Variants in HERC1 observed in about 807,000 individuals in gnomAD.
HERC1 encodes probable E3 ubiquitin-protein ligase HERC1.
Under a neutral mutation model 554.3 loss-of-function variants are expected in HERC1, and 160 were observed. The ratio of observed to expected loss-of-function variants is 0.29; its 90% CI spans 0.25 to 0.33. The LOEUF (loss-of-function observed/expected upper bound fraction) is 0.33, where lower values mean the gene tolerates loss of function less well. Among genes scored for constraint, HERC1 ranks in the 10% least tolerant of loss-of-function variants. HERC1 has a pLI of 1.00. For missense variants in HERC1, 4,919 were observed against 5,918.5 expected (o/e 0.83, Z 5.54); for synonymous variants, 2,175 against 2,131.7 (o/e 1.02, Z -0.56).
chr15:63,664,487 G>A lies in HERC1; in HGVS notation c.8663C>T (p.Thr2888Ile). The A allele has an allele frequency of 1.2e-6, 2 of 1,613,478 alleles. No individual in the cohort carries two copies. The highest frequency in any genetic ancestry group is 1.7e-6 in the Non-Finnish European group (2 of 1,179,526). Residue 2888 changes from threonine to isoleucine, a missense_variant, in exon 43 of 78, where the codon ACA (threonine) becomes ATA (isoleucine). By Grantham distance (89) the Thr-to-Ile change is moderately conservative. Transcript: ENST00000443617. ...RRHKFDLAAR[T>I]LLARAAGLYR... ...AAAATTACCTGCTCTTGCTAGCAGT[G>A]TGCGAGCAGCTAAGTCAAACTTGTG...
rs374038284 is a variant in HERC1 at position 63,651,220 on chromosome 15, T to C, written c.10546+33A>G. 6 of 1,603,654 alleles carry C rather than the reference T, an allele frequency of 3.7e-6. No homozygotes were observed. The African/African-American group carries it at 6.7e-5, about 18-fold the overall frequency. On this transcript the variant is annotated intron_variant, in intron 53 of 77. Transcript: ENST00000443617. ...AGAAGAAGGCTTTAAAAAACTACTTTCAGCAGTTTACTAGTGTTTACATGA... is the reference window on the plus strand; with the variant it reads ...AGAAGAAGGCTTTAAAAAACTACTTCCAGCAGTTTACTAGTGTTTACATGA...
rs1218156351 is a variant in HERC1, at chr15:63,732,992, A to C, written c.2800T>G (p.Cys934Gly). 3.1e-6 allele frequency: 5 copies of C among 1,613,884 alleles called. No homozygotes were observed. The highest frequency in any genetic ancestry group is 4.2e-6 in the Non-Finnish European group (5 of 1,179,882). Residue 934 changes from cysteine to glycine, a missense_variant, in exon 14 of 78, where the codon TGC (cysteine) becomes GGC (glycine). By Grantham distance (159) the Cys-to-Gly change is radical (BLOSUM62 -3). Coordinates refer to ENST00000443617, the MANE Select transcript of HERC1 (RefSeq NM_003922.4). ...TCAGCCAGGTGGGTATCTGGATGGC[A>C]GCTCTGAGTGCCGTAAGGTTGATCT... is the stretch of plus-strand genomic sequence containing the variant. ...LSDQPYGTQSCHPDTHLAEIL... is the reference protein window; with the variant it reads ...LSDQPYGTQSGHPDTHLAEIL...
chr15:63,729,429 T>A, intron 15 of HERC1, 61 bp from the exon 16 acceptor site: 1 of 1,594,458 alleles, frequency 6.3e-7, no homozygotes, highest in Non-Finnish European at 8.6e-7. Context: ...AAAAATATCA[T>A]GGCCTATCCA....
chr15:63,760,435 C>CAAAAAAAAAAA (rs34164820), intron 3 of HERC1, among the ~76,000 whole-genome samples: 2 of 91,424 alleles, frequency 2.2e-5, no homozygotes, highest in African/African-American at 4.3e-5. Context: ...AGACACCATC[C>CAAAAAAAAAAA]AAAAAAAAAA....
At chr15:63,630,436 G>A in intron 69 of HERC1, 30 bp downstream of exon 69, 1 of 1,592,630 alleles carries the variant, frequency 6.3e-7, no homozygotes, top group Non-Finnish European at 8.6e-7. Flanking sequence ...TCTAGAATAT[G>A]AGAAAGCAGC....
intron 1 of HERC1, among the ~76,000 whole-genome samples, chr15:63,831,097 G>GT (rs1177653135): frequency 2.6e-5 from 4 of 152,238 alleles, no homozygotes; most frequent in African/African-American, 9.6e-5. Flanking sequence ...GACCTTTGTT[G>GT]TTGTTTGTTT....
At chr15:63,625,189 T>C (rs2068249013) in intron 71 of HERC1, among the ~76,000 whole-genome samples, 1 of 152,180 alleles carries the variant, frequency 6.6e-6, no homozygotes, top group South Asian at 2.1e-4. Flanking sequence ...TCCATAAAGA[T>C]AGACAAATCA....
At position 63,775,864 on chromosome 15, in the gene HERC1, C is replaced by G. The variant is rs2076097446; in HGVS notation, c.-26-215G>C. ...ACGAGCCTGGCCAACATTATGAAAC[C>G]CCATCTCTACTAAAAATACAAAAAT... is the stretch of plus-strand genomic sequence containing the variant. On this transcript the variant is annotated intron_variant, in intron 1 of 77. Coordinates refer to ENST00000443617, the MANE Select transcript of HERC1 (RefSeq NM_003922.4). This position sits in a 1 kb window ranked among gnomAD's most constrained non-coding sequence, Gnocchi z 4.0. Among the ~76,000 whole-genome samples, 1 of 151,924 alleles carries G rather than the reference C, an allele frequency of 6.6e-6. No homozygotes were observed. Among genetic ancestry groups the G allele is most frequent in the African/African-American group, 2.4e-5 (1 of 41,386 alleles).
intron 70 of HERC1, among the ~76,000 whole-genome samples, chr15:63,627,312 A>G (rs1475616706): frequency 2.0e-5 from 3 of 152,170 alleles, no homozygotes; most frequent in African/African-American, 7.2e-5. Context: ...CTTAGGCACA[A>G]TGTTGCTTCA....
In HERC1 at chr15:63,729,489, T is replaced by C. The variant is rs780636275; in HGVS notation, c.3021+8A>G. ...ATAGATCACCATAAAAGACAAATAA[T>C]CGCATACCTCACTAATGTTATTGAT... is the stretch of plus-strand genomic sequence containing the variant. On this transcript the variant is annotated splice_region_variant and intron_variant, in intron 15 of 77. Transcript: ENST00000443617. 1 of 1,611,690 alleles carries C rather than the reference T, an allele frequency of 6.2e-7. No homozygotes were observed. Among genetic ancestry groups the C allele is most frequent in the South Asian group, 1.1e-5 (1 of 91,048 alleles).
At position 63,729,100 on chromosome 15, in the gene HERC1, C is replaced by G. The variant is rs2074166000; in HGVS notation, c.3154+136G>C. 5 of 817,068 alleles carry G rather than the reference C, an allele frequency of 6.1e-6. 1 individual carries two copies. The South Asian group carries it at 8.1e-5, about 13-fold the overall frequency. 50.6% of individuals were successfully genotyped at this position (817,068 alleles called of 1,614,324 possible). ...TGCTAACACTACCCCCAAACCAAGACTAAAGGAATCTTCAATAGAAGGAAA... is the reference window on the plus strand; with the variant it reads ...TGCTAACACTACCCCCAAACCAAGAGTAAAGGAATCTTCAATAGAAGGAAA... On this transcript the variant is annotated intron_variant, in intron 16 of 77. Transcript: ENST00000443617.
At chr15:63,645,716 T>C in intron 55 of HERC1, 34 bp from the exon 56 acceptor site, 1 of 1,251,478 alleles carries the variant, frequency 8.0e-7, no homozygotes, top group Non-Finnish European at 1.1e-6. Context: ...AAAATCAGAG[T>C]AATGTTTCCT....
intron 19 of HERC1, among the ~76,000 whole-genome samples, chr15:63,720,535 A>T (rs1462681782): frequency 6.6e-6 from 1 of 152,222 alleles, no homozygotes; most frequent in Non-Finnish European, 1.5e-5. Context: ...CTCCAGAGAT[A>T]AAAATGTTAT....
chr15:63,766,958 G>A (rs974425110), intron 2 of HERC1, among the ~76,000 whole-genome samples: 8 of 150,282 alleles, frequency 5.3e-5, no homozygotes, highest in Admixed American at 1.3e-4. Flanking sequence ...GATTACAGGC[G>A]TGAGCCACCA....
intron 1 of HERC1, among the ~76,000 whole-genome samples, chr15:63,811,568 C>T (rs1340318612): frequency 2.0e-5 from 3 of 151,932 alleles, no homozygotes; most frequent in Admixed American, 6.6e-5. Context: ...CCAGCACTTT[C>T]GGCGGCCGAG....
intron 38 of HERC1, among the ~76,000 whole-genome samples, chr15:63,673,242 C>T (rs1385468280): frequency 1.8e-5 from 2 of 111,360 alleles, no homozygotes; most frequent in African/African-American, 7.0e-5. Flanking sequence ...TTAAGGAATC[C>T]TACAAATAAA....
intron 46 of HERC1, among the ~76,000 whole-genome samples, 189 bp from the exon 47 acceptor site, chr15:63,660,125 C>T (rs1024259369): frequency 6.6e-6 from 1 of 152,084 alleles, no homozygotes; most frequent in Non-Finnish European, 1.5e-5. Context: ...TTGAGACCAG[C>T]CTGGCCAACA....
intron 1 of HERC1, among the ~76,000 whole-genome samples, chr15:63,829,040 G>C (rs2078036462): frequency 6.6e-6 from 1 of 152,166 alleles, no homozygotes; most frequent in Admixed American, 6.5e-5. Context: ...TTCTGACAGA[G>C]ACAGAAGGAA....
intron 25 of HERC1, among the ~76,000 whole-genome samples, chr15:63,701,114 A>T (rs557035201): frequency 2.0e-4 from 30 of 152,222 alleles, no homozygotes; most frequent in African/African-American, 7.0e-4. Flanking sequence ...AAATGAATAT[A>T]AAATGCGCAA....
Sources: allele counts gnomAD v4.1 joint callset (sites outside exome capture counted in the v4.1 genomes callset), GRCh38; gene constraint gnomAD v4.1.1; non-coding constraint Gnocchi (gnomAD v3.1); transcripts MANE v1.5; gene names NCBI Gene and HGNC (gene_info 2026-07-23, HGNC 2026-07-21).